Variants in GPR141 observed in about 807,000 individuals in gnomAD.
The protein encoded by GPR141 is G protein-coupled receptor 141, also known as probable G protein-coupled receptor 141.
GPR141 carries 6 observed loss-of-function variants against 6.8 expected under a neutral mutation model. That is an observed-to-expected ratio of 0.88 (90% CI 0.48 to 1.74). The LOEUF is 1.74. Among genes scored for constraint, GPR141 ranks in the 40% most tolerant of loss-of-function variants. The pLI is 0.01. For synonymous variants in GPR141, 140 were observed against 142.3 expected (o/e 0.98, Z 0.11); for missense variants, 372 against 372.9 (o/e 1.00, Z 0.02).
At chr7:37,732,171 TCTCA>T (rs1811991258) in intron 2 of GPR141, among the ~76,000 whole-genome samples, 1 of 135,858 alleles carries the variant, frequency 7.4e-6, no homozygotes, top group Non-Finnish European at 1.6e-5. Flanking sequence ...TGAGATGGAG[TCTCA>T]CTCTGTCACC....
chr7:37,701,412 C>T (rs746043082), intron 2 of GPR141, among the ~76,000 whole-genome samples: 5 of 152,138 alleles, frequency 3.3e-5, no homozygotes, highest in Admixed American at 2.0e-4. Context: ...CTTTGAGAAG[C>T]ACCACTAGAT....
At chr7:37,736,775 A>C (rs753286156) in intron 2 of GPR141, among the ~76,000 whole-genome samples, 4 of 152,216 alleles carry the variant, frequency 2.6e-5, no homozygotes, top group Non-Finnish European at 5.9e-5. Context: ...ATCCCTAAGA[A>C]ATTTGTACTG....
At chr7:37,698,463 G>A (rs1810126023) in intron 2 of GPR141, among the ~76,000 whole-genome samples, 1 of 152,184 alleles carries the variant, frequency 6.6e-6, no homozygotes. Context: ...TCATTGCGGG[G>A]AGGGGAAACA....
intron 2 of GPR141, among the ~76,000 whole-genome samples, chr7:37,715,943 C>T (rs1330769367): frequency 1.3e-5 from 2 of 152,148 alleles, no homozygotes; most frequent in Non-Finnish European, 2.9e-5. Context: ...TTATGTGCAG[C>T]CCAAACTAGT....
intron 2 of GPR141, among the ~76,000 whole-genome samples, chr7:37,717,462 C>T (rs1811101400): frequency 6.6e-6 from 1 of 152,174 alleles, no homozygotes; most frequent in South Asian, 2.1e-4. Flanking sequence ...TGATGCATTT[C>T]AGACCATAAT....
At chr7:37,729,363 CT>C (rs1188102935) in intron 2 of GPR141, among the ~76,000 whole-genome samples, 2 of 152,128 alleles carry the variant, frequency 1.3e-5, no homozygotes, top group Non-Finnish European at 2.9e-5. Flanking sequence ...GCCCTGTCCC[CT>C]GAGAGAGCTG....
chr7:37,741,761 G>A lies in GPR141; in HGVS notation c.*450G>A, dbSNP rs1443129352. On this transcript the variant is annotated 3_prime_UTR_variant, in exon 3 of 3. Coordinates refer to ENST00000334425, the MANE Select transcript of GPR141 (RefSeq NM_001381946.1). ...GCTCCAAAGACACAAACTCTCCTTCGCTAACCAGGTTAGATGTCCCATTCA... is the reference window on the plus strand; with the variant it reads ...GCTCCAAAGACACAAACTCTCCTTCACTAACCAGGTTAGATGTCCCATTCA... 1.3e-5 allele frequency among the ~76,000 whole-genome samples: 2 copies of A among 152,072 alleles called. No individual in the cohort carries two copies. The highest frequency in any genetic ancestry group is 1.9e-4 in the East Asian group (1 of 5,200).
intron 2 of GPR141, among the ~76,000 whole-genome samples, chr7:37,721,494 C>T (rs957992576): frequency 1.3e-5 from 2 of 152,322 alleles, no homozygotes; most frequent in African/African-American, 4.8e-5. Context: ...GTTAATGTCT[C>T]AGTAGCTTTG....
At chr7:37,731,278 C>G (rs974000743) in intron 2 of GPR141, among the ~76,000 whole-genome samples, 1 of 152,204 alleles carries the variant, frequency 6.6e-6, no homozygotes, top group South Asian at 2.1e-4. Flanking sequence ...ATGTAGCAAT[C>G]CCCCTTGTAC....
At chr7:37,696,528 C>T (rs1489564508) in intron 2 of GPR141, among the ~76,000 whole-genome samples, 1 of 151,946 alleles carries the variant, frequency 6.6e-6, no homozygotes, top group Non-Finnish European at 1.5e-5. Context: ...TGGCATTCAA[C>T]CACCTCATTT....
chr7:37,734,310 C>T (rs567451487), intron 2 of GPR141, among the ~76,000 whole-genome samples: 2 of 152,238 alleles, frequency 1.3e-5, no homozygotes, highest in East Asian at 3.9e-4. Flanking sequence ...GAGAAATAAG[C>T]CTCAGAGAGG....
intron 2 of GPR141, among the ~76,000 whole-genome samples, chr7:37,686,228 C>T (rs1179007001): frequency 6.6e-6 from 1 of 150,832 alleles, no homozygotes; most frequent in African/African-American, 2.4e-5. Context: ...TCTCAAATCC[C>T]TGGGCTCAAG....
At chr7:37,698,907 A>G (rs1478914096) in intron 2 of GPR141, among the ~76,000 whole-genome samples, 1 of 152,234 alleles carries the variant, frequency 6.6e-6, no homozygotes, top group East Asian at 1.9e-4. Flanking sequence ...TCCTACGTCA[A>G]GATAAACTTT....
At chr7:37,737,009 G>T (rs1034118315) in intron 2 of GPR141, among the ~76,000 whole-genome samples, 1 of 151,948 alleles carries the variant, frequency 6.6e-6, no homozygotes, top group African/African-American at 2.4e-5. Context: ...GTGGGTAAAT[G>T]GAATTAAAAT....
intron 2 of GPR141, among the ~76,000 whole-genome samples, chr7:37,707,567 G>A (rs1810580647): frequency 6.6e-6 from 1 of 152,148 alleles, no homozygotes; most frequent in Non-Finnish European, 1.5e-5. Flanking sequence ...CAAGTCTTAT[G>A]ATGTGTTTTA....
At chr7:37,712,987 TC>T (rs1810879389) in intron 2 of GPR141, among the ~76,000 whole-genome samples, 1 of 152,206 alleles carries the variant, frequency 6.6e-6, no homozygotes, top group African/African-American at 2.4e-5. Flanking sequence ...CATGTTTTTC[TC>T]ATGGTAATGA....
intron 2 of GPR141, among the ~76,000 whole-genome samples, chr7:37,700,943 C>T (rs1019070560): frequency 1.5e-4 from 23 of 152,194 alleles, no homozygotes; most frequent in African/African-American, 5.6e-4. Context: ...TCACCTGCCC[C>T]AGGAAATTGT....
At chr7:37,711,435 A>C (rs529255376) in intron 2 of GPR141, among the ~76,000 whole-genome samples, 4 of 152,284 alleles carry the variant, frequency 2.6e-5, no homozygotes, top group Non-Finnish European at 4.4e-5. Context: ...TGGAAAAATC[A>C]AGTCATGGGG....
chr7:37,705,785 C>A (rs1810497451), intron 2 of GPR141, among the ~76,000 whole-genome samples: 1 of 152,106 alleles, frequency 6.6e-6, no homozygotes, highest in South Asian at 2.1e-4. Context: ...AAGTGAGAAC[C>A]ACGTGTCACT....
Sources: allele counts gnomAD v4.1 joint callset (sites outside exome capture counted in the v4.1 genomes callset), GRCh38; gene constraint gnomAD v4.1.1; transcripts MANE v1.5; gene names NCBI Gene and HGNC (gene_info 2026-07-23, HGNC 2026-07-21).